The following PLEKHG1 variants were observed in gnomAD, a reference collection of about 807,000 sequenced individuals.
The protein encoded by PLEKHG1 is pleckstrin homology domain-containing family G member 1.
In PLEKHG1, 44 loss-of-function variants were observed where a neutral mutation model predicts 100.8. The observed-to-expected ratio is 0.44, with a 90% confidence interval of 0.34 to 0.56. PLEKHG1 has a LOEUF of 0.56. Among genes scored for constraint, PLEKHG1 ranks in the 20% least tolerant of loss-of-function variants. The pLI is 0.01. For missense variants in PLEKHG1, 1,545 were observed against 1,720.9 expected (o/e 0.90, Z 1.81); for synonymous variants, 640 against 662.5 (o/e 0.97, Z 0.52).
chr6:150,780,760 G>A (rs777803916), intron 3 of PLEKHG1, among the ~76,000 whole-genome samples: 3 of 152,062 alleles, frequency 2.0e-5, no homozygotes, highest in Non-Finnish European at 2.9e-5. Flanking sequence ...TGATGTTAAC[G>A]TCGTTCTTGA....
chr6:150,790,321 C>T (rs1358305332), intron 4 of PLEKHG1, among the ~76,000 whole-genome samples: 1 of 152,204 alleles, frequency 6.6e-6, no homozygotes, highest in Non-Finnish European at 1.5e-5. Flanking sequence ...GCCACCGTGC[C>T]TGGCCAAAAT....
chr6:150,637,366 T>TTTTG (rs1451080799), intron 1 of PLEKHG1, among the ~76,000 whole-genome samples: 3 of 152,176 alleles, frequency 2.0e-5, no homozygotes, highest in African/African-American at 4.8e-5. Context: ...TTTTACTGTT[T>TTTTG]TTTGTTTGTT....
At position 150,733,953 on chromosome 6, in the gene PLEKHG1, GGA is replaced by G; in HGVS notation, c.276_277del (p.Arg92SerfsTer24). ...AGCGAAAGGCCACCCAGAGCGCAGTGGAGAGTGGACTCAAACGGGGCACCCAA... is the reference window on the plus strand; with the variant it reads ...AGCGAAAGGCCACCCAGAGCGCAGTGGAGTGGACTCAAACGGGGCACCCAA... On this transcript the variant is annotated frameshift_variant, in exon 2 of 16. Coordinates refer to ENST00000358517, the Ensembl canonical transcript of PLEKHG1. LOFTEE classifies it high-confidence loss of function. 6.2e-7 allele frequency: 1 copy of G among 1,614,170 alleles called. No individual in the cohort carries two copies. The highest frequency in any genetic ancestry group is 8.5e-7 in the Non-Finnish European group (1 of 1,180,028).
intron 10 of PLEKHG1, among the ~76,000 whole-genome samples, chr6:150,814,433 T>C (rs1044678649): frequency 1.3e-5 from 2 of 152,276 alleles, no homozygotes; most frequent in East Asian, 3.8e-4. Flanking sequence ...CCCCAAGTTG[T>C]CGATCCTTTC....
chr6:150,762,309 C>CT (rs1228937320), intron 2 of PLEKHG1, among the ~76,000 whole-genome samples: 5 of 151,932 alleles, frequency 3.3e-5, no homozygotes, highest in Non-Finnish European at 1.5e-5. Flanking sequence ...CCTGCCTCAG[C>CT]TTCCCAAGTA....
At chr6:150,798,257 T>A (rs980324367) in intron 5 of PLEKHG1, among the ~76,000 whole-genome samples, 1 of 152,082 alleles carries the variant, frequency 6.6e-6, no homozygotes, top group African/African-American at 2.4e-5. Flanking sequence ...AAAAAAACAT[T>A]CAGATTCTGA....
chr6:150,795,721 TA>T (rs919587743), intron 4 of PLEKHG1, 134 bp from the exon 6 acceptor site: 5,915 of 287,762 alleles, frequency 0.021, no homozygotes, highest in Middle Eastern at 0.028. Context: ...AAACTCCGCC[TA>T]AAAAAAAAAA....
intron 2 of PLEKHG1, among the ~76,000 whole-genome samples, chr6:150,744,046 G>A (rs957681874): frequency 2.0e-5 from 3 of 151,992 alleles, no homozygotes; most frequent in South Asian, 4.2e-4. Flanking sequence ...GTACTGCCTC[G>A]CCCTTCATCT....
chr6:150,743,498 C>T (rs1782990191), intron 2 of PLEKHG1, among the ~76,000 whole-genome samples: 2 of 152,102 alleles, frequency 1.3e-5, no homozygotes. Flanking sequence ...TGCACTCCAG[C>T]CTGGGCAACG....
chr6:150,796,660 A>T (rs1562526037), intron 5 of PLEKHG1, among the ~76,000 whole-genome samples: 1 of 152,056 alleles, frequency 6.6e-6, no homozygotes, highest in East Asian at 1.9e-4. Flanking sequence ...ACATTGAGGG[A>T]TTTTTTTTAA....
At chr6:150,610,421 T>A (rs1437065468) in intron 1 of PLEKHG1, among the ~76,000 whole-genome samples, 1 of 152,238 alleles carries the variant, frequency 6.6e-6, no homozygotes, top group Non-Finnish European at 1.5e-5. Flanking sequence ...ACTTTCTATG[T>A]GGTATTTTTG....
intron 3 of PLEKHG1, among the ~76,000 whole-genome samples, chr6:150,699,272 A>G (rs920803158): frequency 6.6e-6 from 1 of 152,256 alleles, no homozygotes; most frequent in African/African-American, 2.4e-5. Flanking sequence ...AACAACAAAA[A>G]GTAACTGTTC....
chr6:150,723,959 G>A (rs1373847013), intron 1 of PLEKHG1, among the ~76,000 whole-genome samples: 2 of 152,174 alleles, frequency 1.3e-5, no homozygotes, highest in African/African-American at 4.8e-5. Context: ...AACACAGCAG[G>A]GGCTGTAACA....
intron 3 of PLEKHG1, among the ~76,000 whole-genome samples, chr6:150,783,040 G>T (rs538009901): frequency 2.6e-5 from 4 of 151,342 alleles, no homozygotes; most frequent in African/African-American, 4.9e-5. Flanking sequence ...GATTTTGCAC[G>T]CATGAAATAA....
chr6:150,804,648 T>C (rs985455217), exon 7 of PLEKHG1: 60 of 1,612,572 alleles, frequency 3.7e-5, no homozygotes, highest in Non-Finnish European at 4.9e-5. Flanking sequence ...CAGAAGGCTA[T>C]GATGTGGTGC....
chr6:150,813,133 A>G (rs782664), intron 10 of PLEKHG1, among the ~76,000 whole-genome samples: 42,346 of 151,582 alleles, frequency 0.28, 6,337 homozygotes, highest in Non-Finnish European at 0.34. Flanking sequence ...GTGAAACCCC[A>G]TCTCTACTAA....
At chr6:150,813,062 T>G (rs888855256) in intron 10 of PLEKHG1, among the ~76,000 whole-genome samples, 3 of 151,744 alleles carry the variant, frequency 2.0e-5, no homozygotes, top group Non-Finnish European at 4.4e-5. Context: ...TCCCAGCACT[T>G]TGGGAGGCGG....
At chr6:150,813,295 ACT>A (rs1302594976) in intron 10 of PLEKHG1, among the ~76,000 whole-genome samples, 1 of 124,270 alleles carries the variant, frequency 8.0e-6, no homozygotes, top group Non-Finnish European at 1.7e-5. Context: ...ACAGAGTGAG[ACT>A]CTGTCTCAAA....
At chr6:150,608,334 G>A (rs1277652930) in intron 1 of PLEKHG1, among the ~76,000 whole-genome samples, 1 of 152,200 alleles carries the variant, frequency 6.6e-6, no homozygotes, top group East Asian at 1.9e-4. Context: ...GAAAGCCCCT[G>A]AGGAACAGAA....
Sources: gnomAD v4.1 joint callset for allele counts (sites outside exome capture counted in the v4.1 genomes callset) on GRCh38, gnomAD v4.1.1 for gene constraint, MANE v1.5 for transcripts, NCBI Gene and HGNC (gene_info 2026-07-23, HGNC 2026-07-21) for gene names.